Variants in CREB1 observed in about 807,000 individuals in gnomAD.
CREB1 encodes cAMP responsive element binding protein 1.
A neutral mutation model predicts 42.0 loss-of-function variants in CREB1; 2 were observed. That is an observed-to-expected ratio of 0.05 (90% CI 0.02 to 0.15). CREB1 has a LOEUF of 0.15. Ranked by LOEUF, CREB1 falls within the 10% of genes least tolerant of loss-of-function variation. CREB1 has a pLI of 1.00. For missense variants in CREB1, 199 were observed against 388.9 expected, an observed-to-expected ratio of 0.51 and a Z score of 4.11; for synonymous variants, 123 against 139.9, an observed-to-expected ratio of 0.88 and a Z score of 0.85.
chr2:207,534,178 C>T (rs1025775384), intron 1 of CREB1, among the ~76,000 whole-genome samples: 2 of 152,208 alleles, frequency 1.3e-5, no homozygotes, highest in African/African-American at 4.8e-5. Context: ...GTAATACATA[C>T]TAAGTCCCAG....
intron 1 of CREB1, among the ~76,000 whole-genome samples, chr2:207,536,862 C>G (rs566376803): frequency 6.6e-6 from 1 of 151,702 alleles, no homozygotes. Flanking sequence ...TAGTTGTATA[C>G]GCCTGTAGTC....
rs137993238 is a variant in CREB1, at chr2:207,567,806, G to C, written c.362+243G>C. 1,478 of 276,082 alleles carry C rather than the reference G, an allele frequency of 5.4e-3. 3 individuals are homozygous for C. Among genetic ancestry groups the C allele is most frequent in the Non-Finnish European group, 7.5e-3 (1,096 of 145,884 alleles). 17.1% of individuals were successfully genotyped at this position (276,082 alleles called of 1,614,324 possible). A position where few individuals can be genotyped will look rare whatever the true frequency, so the allele number is the denominator to read the frequency against. On this transcript the variant is annotated intron_variant, in intron 4 of 7. Coordinates refer to ENST00000353267, the MANE Select transcript of CREB1 (RefSeq NM_004379.5). Reference sequence around the variant, plus strand: ...TCTGTTTCTGTAGACTGTGCTGGCTGTCTTTCTGTTAAAAGTTTGGAATAC... The same window carrying C: ...TCTGTTTCTGTAGACTGTGCTGGCTCTCTTTCTGTTAAAAGTTTGGAATAC...
chr2:207,577,480 A>G (rs987279578), intron 6 of CREB1, 25 bp from the exon 7 acceptor site: 3 of 1,612,616 alleles, frequency 1.9e-6, no homozygotes, highest in South Asian at 2.2e-5. Context: ...TTTCTGTCTT[A>G]CACCATGCTC....
At chr2:207,583,685 A>G (rs1270784801) in intron 7 of CREB1, among the ~76,000 whole-genome samples, 1 of 152,168 alleles carries the variant, frequency 6.6e-6, no homozygotes, top group Non-Finnish European at 1.5e-5. Flanking sequence ...TTAAATTTGC[A>G]TATACATAAG....
chr2:207,577,295 A>G, intron 6 of CREB1: 2 of 1,046,252 alleles, frequency 1.9e-6, no homozygotes, highest in Non-Finnish European at 1.3e-6. Flanking sequence ...TCCAGCGGAC[A>G]TAGGTTACTG....
intron 7 of CREB1, among the ~76,000 whole-genome samples, chr2:207,584,131 G>A (rs555984915): frequency 2.0e-5 from 3 of 152,224 alleles, no homozygotes; most frequent in East Asian, 3.9e-4. Flanking sequence ...ACACATAAAG[G>A]TTTTTATATG....
intron 1 of CREB1, among the ~76,000 whole-genome samples, chr2:207,542,443 A>G (rs1217052594): frequency 6.6e-6 from 1 of 152,092 alleles, no homozygotes; most frequent in Non-Finnish European, 1.5e-5. Context: ...GCTGCTTTTC[A>G]TGTGCTGATT....
intron 5 of CREB1, among the ~76,000 whole-genome samples, chr2:207,574,493 A>T (rs1239524054): frequency 6.6e-6 from 1 of 152,206 alleles, no homozygotes; most frequent in African/African-American, 2.4e-5. Flanking sequence ...AAAGTGAAAT[A>T]TCTACTAGTA....
intron 2 of CREB1, among the ~76,000 whole-genome samples, 170 bp from the exon 3 acceptor site, chr2:207,560,056 T>A (rs1257001736): frequency 6.6e-6 from 1 of 152,222 alleles, no homozygotes; most frequent in Non-Finnish European, 1.5e-5. Flanking sequence ...GTGTTTTTTA[T>A]AGTGTTTTTT....
intron 3 of CREB1, among the ~76,000 whole-genome samples, chr2:207,565,478 G>A (rs995271430): frequency 4.0e-5 from 6 of 148,678 alleles, no homozygotes; most frequent in African/African-American, 1.5e-4. Flanking sequence ...ACAGGTCAGA[G>A]AAAGGCAACC....
intron 7 of CREB1, among the ~76,000 whole-genome samples, chr2:207,586,939 A>G (rs932547376): frequency 6.6e-6 from 1 of 152,254 alleles, no homozygotes; most frequent in Non-Finnish European, 1.5e-5. Flanking sequence ...GTTAGGAAGT[A>G]TCATTAGTTA....
rs140873618 is a variant in CREB1, at chr2:207,539,417, A to G, written c.-9+9283A>G. ...GTAGCTCTATTGTTTGCTGTGATCA[A>G]TGGTGACACCTTGACTTTATGTATT... is the stretch of plus-strand genomic sequence containing the variant. On this transcript the variant is annotated intron_variant, in intron 1 of 7. Coordinates refer to ENST00000353267, the MANE Select transcript of CREB1 (RefSeq NM_004379.5). 3.9e-5 allele frequency among the ~76,000 whole-genome samples: 6 copies of G among 152,220 alleles called. No individual in the cohort carries two copies. The East Asian group carries it at 7.7e-4, about 20-fold the overall frequency.
At chr2:207,560,519 C>G in intron 3 of CREB1, 147 bp downstream of exon 3, 2 of 662,336 alleles carry the variant, frequency 3.0e-6, no homozygotes, top group Non-Finnish European at 4.8e-6. Context: ...TGTATAGTCA[C>G]CTTATGTATA....
intron 7 of CREB1, among the ~76,000 whole-genome samples, chr2:207,594,027 C>T (rs1434400952): frequency 1.3e-5 from 2 of 152,128 alleles, no homozygotes; most frequent in East Asian, 1.9e-4. Flanking sequence ...CACCAGCCCT[C>T]ACAAACCTTT....
chr2:207,575,873 T>TAAG (rs2106568711), intron 6 of CREB1, among the ~76,000 whole-genome samples: 1 of 120,210 alleles, frequency 8.3e-6, no homozygotes, highest in African/African-American at 3.2e-5. Context: ...ATCTGTAAAA[T>TAAG]AAGAGTTGCA....
At chr2:207,554,260 G>A (rs1462078241) in intron 1 of CREB1, among the ~76,000 whole-genome samples, 1 of 152,050 alleles carries the variant, frequency 6.6e-6, no homozygotes, top group East Asian at 1.9e-4. Flanking sequence ...ACTGTCACTT[G>A]TAAAACACTT....
rs1161382968 is a variant in CREB1, at chr2:207,546,816, G to A, written c.-8-8812G>A. Among the ~76,000 whole-genome samples the A allele has an allele frequency of 2.6e-5, 4 of 152,120 alleles. No individual in the cohort carries two copies. In the East Asian group the frequency reaches 7.7e-4, roughly 29 times the overall value. On this transcript the variant is annotated intron_variant, in intron 1 of 7. Coordinates refer to ENST00000353267, the MANE Select transcript of CREB1 (RefSeq NM_004379.5). ...CTGCATGCCATTTGTCAGTTTTAAA[G>A]ATTAACCATGGTCAGTTTTTAAATG...
intron 1 of CREB1, among the ~76,000 whole-genome samples, chr2:207,543,286 C>T (rs760449935): frequency 2.2e-4 from 33 of 152,076 alleles, no homozygotes; most frequent in Non-Finnish European, 4.3e-4. Flanking sequence ...TCTTTGGATA[C>T]AGAGGCCCAG....
chr2:207,543,601 T>TATTC (rs927252679), intron 1 of CREB1, among the ~76,000 whole-genome samples: 3 of 151,752 alleles, frequency 2.0e-5, no homozygotes, highest in Admixed American at 6.6e-5. Context: ...TTATTAATTT[T>TATTC]ATTTATTTAT....
Sources: gnomAD v4.1 joint callset for allele counts (sites outside exome capture counted in the v4.1 genomes callset) on GRCh38, gnomAD v4.1.1 for gene constraint, MANE v1.5 for transcripts, NCBI Gene and HGNC (gene_info 2026-07-23, HGNC 2026-07-21) for gene names.